The following MAP2 variants were observed in gnomAD, a reference collection of about 807,000 sequenced individuals.
MAP2 encodes the protein microtubule-associated protein 2.
A neutral mutation model predicts 137.6 loss-of-function variants in MAP2; 14 were observed. The ratio of observed to expected loss-of-function variants is 0.10; its 90% CI spans 0.07 to 0.16. The LOEUF is 0.16. Ranked by LOEUF, MAP2 falls within the 10% of genes least tolerant of loss-of-function variation. The pLI is 1.00. For missense variants in MAP2, 2,088 were observed against 2,191.5 expected (o/e 0.95, Z 0.94); for synonymous variants, 786 against 782.3 (o/e 1.00, Z -0.08).
chr2:209,510,998 T>A (rs2061656452), intron 2 of MAP2, among the ~76,000 whole-genome samples: 1 of 152,096 alleles, frequency 6.6e-6, no homozygotes, highest in African/African-American at 2.4e-5. Context: ...GAGGTACTGC[T>A]CAACAAGTGA....
At chr2:209,564,275 C>T (rs954230333) in intron 2 of MAP2, among the ~76,000 whole-genome samples, 1 of 152,178 alleles carries the variant, frequency 6.6e-6, no homozygotes, top group African/African-American at 2.4e-5. Context: ...TTCATATTCA[C>T]ATATAGATTG....
chr2:209,460,639 TC>T (rs1412517800), intron 1 of MAP2, among the ~76,000 whole-genome samples: 2 of 151,974 alleles, frequency 1.3e-5, no homozygotes, highest in Non-Finnish European at 2.9e-5. Flanking sequence ...TTTTTCTCTT[TC>T]TTTTCACTCT....
chr2:209,665,128 A>C (rs777862478), intron 5 of MAP2, among the ~76,000 whole-genome samples: 31 of 152,174 alleles, frequency 2.0e-4, no homozygotes, highest in Admixed American at 7.2e-4. Flanking sequence ...ACTGTAGTGA[A>C]AGTATATGGT....
rs767536306 is a variant in MAP2, at chr2:209,693,620, C to G, written c.1450C>G (p.Gln484Glu). The G allele has an allele frequency of 6.2e-7, 1 of 1,613,816 alleles. No individual in the cohort carries two copies. Among genetic ancestry groups the G allele is most frequent in the South Asian group, 1.1e-5 (1 of 91,076 alleles). ...CTCCACAGAGCACACTTTCTCAGAA[C>G]AGAAAGACCAAGAGCCTACCACAGA... ...QTSTEHTFSE[Q>E]KDQEPTTDML... Residue 484 changes from glutamine (Q) to glutamate (E), a missense_variant, in exon 8 of 16, where the codon CAG (glutamine) becomes GAG (glutamate). Transcript: ENST00000682079.
Position 209,713,290 on chromosome 2 carries a change from G to A in MAP2, c.5073+3036G>A, listed in dbSNP as rs2066154259. ...CAACAGCTTTCCAAATTATTTGCCT[G>A]CAGTTTGAACATTAATTGCTCTTCT... is the stretch of plus-strand genomic sequence containing the variant. On this transcript the variant is annotated intron_variant, in intron 13 of 15. Transcript: ENST00000682079. Among the ~76,000 whole-genome samples the A allele has an allele frequency of 2.6e-5, 4 of 152,180 alleles. No individual in the cohort carries two copies. In the South Asian group the frequency reaches 8.3e-4, roughly 32 times the overall value.
intron 11 of MAP2, among the ~76,000 whole-genome samples, chr2:209,702,623 T>A (rs2062092350): frequency 1.3e-5 from 2 of 151,998 alleles, no homozygotes. Flanking sequence ...TCACGTGGGT[T>A]TTTCTGTTGT....
intron 2 of MAP2, among the ~76,000 whole-genome samples, chr2:209,573,923 C>T (rs111436397): frequency 0.02 from 3,001 of 152,144 alleles, 95 homozygotes; most frequent in African/African-American, 0.068. Context: ...AGTATAATGG[C>T]TTTTAGGTTC....
At chr2:209,662,729 G>A (rs960417654) in intron 5 of MAP2, among the ~76,000 whole-genome samples, 4 of 151,856 alleles carry the variant, frequency 2.6e-5, no homozygotes, top group African/African-American at 9.7e-5. Flanking sequence ...AGTAATGGGA[G>A]TGAGTCTTCT....
Position 209,646,163 on chromosome 2 carries a change from T to G in MAP2, c.-29-6979T>G, listed in dbSNP as rs368369919. ...AGTGAGTGTGATTGCATCATTGCAC[T>G]GAAGCCTGGGCAACAGAGTAAGACC... On this transcript the variant is annotated intron_variant, in intron 4 of 15. Transcript: ENST00000682079. Among the ~76,000 whole-genome samples the G allele has an allele frequency of 3.3e-5, 5 of 152,050 alleles. No homozygotes were observed. In the East Asian group the frequency reaches 9.6e-4, roughly 29 times the overall value.
At chr2:209,527,393 G>T (rs1431284785) in intron 2 of MAP2, among the ~76,000 whole-genome samples, 2 of 152,052 alleles carry the variant, frequency 1.3e-5, no homozygotes, top group Non-Finnish European at 2.9e-5. Flanking sequence ...GCACATCATA[G>T]TTGCTCAATA....
At chr2:209,548,667 C>A (rs2068562251) in intron 2 of MAP2, among the ~76,000 whole-genome samples, 1 of 152,116 alleles carries the variant, frequency 6.6e-6, no homozygotes, top group Non-Finnish European at 1.5e-5. Context: ...TCCCCACAAC[C>A]CCCATGTGTT....
intron 4 of MAP2, among the ~76,000 whole-genome samples, chr2:209,630,641 C>G (rs1208034318): frequency 6.6e-6 from 1 of 151,934 alleles, no homozygotes; most frequent in African/African-American, 2.4e-5. Flanking sequence ...CAAAATTCCC[C>G]TTTATTGAAT....
intron 5 of MAP2, among the ~76,000 whole-genome samples, chr2:209,656,838 T>G (rs769167655): frequency 6.6e-6 from 1 of 152,200 alleles, no homozygotes; most frequent in Non-Finnish European, 1.5e-5. Context: ...ATATATCTCA[T>G]AGGGGTGAAG....
intron 2 of MAP2, among the ~76,000 whole-genome samples, chr2:209,519,015 G>C (rs529694372): frequency 2.0e-5 from 3 of 151,926 alleles, no homozygotes; most frequent in African/African-American, 7.2e-5. Flanking sequence ...TATCTAAAAG[G>C]GCTCTACTAC....
intron 4 of MAP2, among the ~76,000 whole-genome samples, chr2:209,644,119 G>C (rs2094232568): frequency 1.3e-5 from 2 of 152,194 alleles, no homozygotes; most frequent in Admixed American, 6.5e-5. Flanking sequence ...TGTTAAACCT[G>C]TGTTGGAGCT....
At position 209,693,192 on chromosome 2, in the gene MAP2, C is replaced by T; in HGVS notation, c.1022C>T (p.Ala341Val). ...ATAGTTACAGAAACATCGCCCTTTG[C>T]CCCTGCCTTTTTACAGCCAGATGAC... ...NEIVTETSPFAPAFLQPDDKK... is the reference protein window; with the variant it reads ...NEIVTETSPFVPAFLQPDDKK... The change falls in exon 8 of 16, where the codon GCC (alanine) becomes GTC (valine). Residue 341 changes from alanine to valine, a missense_variant. Around this residue, in one of 6 missense-constraint regions of MAP2, gnomAD observed 859 missense variants for 794.5 expected, o/e 1.08. Transcript: ENST00000682079. The T allele has an allele frequency of 6.2e-7, 1 of 1,612,420 alleles. No individual in the cohort carries two copies. Among genetic ancestry groups the T allele is most frequent in the Non-Finnish European group, 8.5e-7 (1 of 1,179,532 alleles).
At chr2:209,500,349 G>A (rs543077612) in intron 1 of MAP2, among the ~76,000 whole-genome samples, 24 of 152,220 alleles carry the variant, frequency 1.6e-4, no homozygotes, top group African/African-American at 5.1e-4. Context: ...CATACTCCAG[G>A]CTAGGTATTT....
intron 3 of MAP2, among the ~76,000 whole-genome samples, chr2:209,598,657 C>T (rs1332629535): frequency 6.7e-6 from 1 of 148,914 alleles, no homozygotes; most frequent in Non-Finnish European, 1.5e-5. Flanking sequence ...TCCATGTGAC[C>T]TCATTGTTCA....
At chr2:209,484,897 A>G (rs2058183337) in intron 1 of MAP2, among the ~76,000 whole-genome samples, 1 of 152,204 alleles carries the variant, frequency 6.6e-6, no homozygotes, top group Admixed American at 6.5e-5. Flanking sequence ...GAAAAAAGAA[A>G]TCTTCTTAAA....
Sources: allele counts gnomAD v4.1 joint callset (sites outside exome capture counted in the v4.1 genomes callset), GRCh38; gene constraint gnomAD v4.1.1; regional missense constraint gnomAD v4.1.1; transcripts MANE v1.5; gene names NCBI Gene and HGNC (gene_info 2026-07-23, HGNC 2026-07-21).